The following USP45 variants were observed in gnomAD, a reference collection of about 807,000 sequenced individuals.
USP45 encodes the protein ubiquitin specific peptidase 45.
USP45 carries 89 observed loss-of-function variants against 95.8 expected under a neutral mutation model. The observed-to-expected ratio is 0.93, with a 90% CI of 0.78 to 1.11. The LOEUF (loss-of-function observed/expected upper bound fraction) is 1.11, where lower values mean the gene tolerates loss of function less well. Among genes scored for constraint, USP45 ranks in the 50% least tolerant of loss-of-function variants. USP45 has a pLI of 0.00. For missense variants in USP45, 898 were observed against 942.5 expected (o/e 0.95, Z 0.62); for synonymous variants, 281 against 316.2 (o/e 0.89, Z 1.18).
chr6:99,439,882 A>G, intron 15 of USP45, 27 bp from the exon 16 acceptor site: 3 of 1,548,544 alleles, frequency 1.9e-6, no homozygotes, highest in Non-Finnish European at 2.6e-6. Flanking sequence ...CATTTTTGAA[A>G]TGCAACAATT....
intron 13 of USP45, chr6:99,461,795 G>C (rs1429243011): frequency 1.0e-6 from 1 of 982,376 alleles, no homozygotes; most frequent in East Asian, 1.1e-4. Flanking sequence ...TACTGTAAGA[G>C]ATTAAAAAAT....
intron 13 of USP45, chr6:99,461,545 A>T: frequency 1.0e-6 from 1 of 985,378 alleles, no homozygotes; most frequent in Non-Finnish European, 1.2e-6. Flanking sequence ...AGCAAAAGAA[A>T]ATGCACTTTT....
At chr6:99,486,949 G>A (rs1173511446) in intron 7 of USP45, among the ~76,000 whole-genome samples, 1 of 152,096 alleles carries the variant, frequency 6.6e-6, no homozygotes, top group African/African-American at 2.4e-5. Flanking sequence ...GTTGAACTAG[G>A]TGGGTTTATT....
rs963367055 is a variant in USP45 at position 99,466,680 on chromosome 6, A to G, written c.1099T>C (p.Cys367Arg). 7 of 1,612,558 alleles carry G rather than the reference A, an allele frequency of 4.3e-6. No homozygotes were observed. In the African/African-American group the frequency reaches 8.0e-5, roughly 18 times the overall value. The stretch of plus-strand genomic sequence containing the variant: ...AATTCTAAAGTACCTACATTTGCAC[A>G]TTCTTCACACATGACCGTGCTAGTT... Reference protein sequence around the residue: ...ELTSTVMCEECANISTVKDPF... With the variant: ...ELTSTVMCEERANISTVKDPF... The change falls in exon 11 of 18, where the codon TGT becomes CGT. Residue 367 changes from cysteine (C) to arginine (R), a missense_variant. Transcript: ENST00000500704.
At chr6:99,515,951 T>A (rs903592450), upstream of USP45, among the ~76,000 whole-genome samples, 2 of 151,814 alleles carry the variant, frequency 1.3e-5, no homozygotes, top group African/African-American at 4.8e-5. Flanking sequence ...ATTTTTTGTA[T>A]TTTGTTTAGT....
chr6:99,502,594 A>G (rs1170385202), intron 5 of USP45, among the ~76,000 whole-genome samples: 2 of 152,208 alleles, frequency 1.3e-5, no homozygotes, highest in African/African-American at 4.8e-5. Context: ...CAAATAACAG[A>G]CACCATTTCA....
At chr6:99,488,131 G>C (rs1794396746) in intron 7 of USP45, 69 bp downstream of exon 7, 3 of 1,051,482 alleles carry the variant, frequency 2.9e-6, no homozygotes, top group Non-Finnish European at 4.3e-6. Flanking sequence ...CTGCGAATTA[G>C]GAAAAGAGAT....
At chr6:99,486,836 C>T (rs1424934105) in intron 7 of USP45, among the ~76,000 whole-genome samples, 4 of 152,032 alleles carry the variant, frequency 2.6e-5, no homozygotes, top group Non-Finnish European at 5.9e-5. Flanking sequence ...CACACTTACA[C>T]ACACACACAA....
rs11335830 is a variant in USP45, at chr6:99,487,633, C to CA, written c.714+566dup. 2.1e-3 allele frequency among the ~76,000 whole-genome samples: 226 copies of CA among 106,356 alleles called. 1 individual carries two copies. Among genetic ancestry groups the CA allele is most frequent in the Middle Eastern group, 4.9e-3 (1 of 204 alleles). The allele number at this position is 106,356 out of a possible 152,430, so 69.8% of individuals were successfully genotyped here. On this transcript the variant is annotated intron_variant, in intron 7 of 17. Transcript: ENST00000500704. ...TGAAACCCCGTCTCTACTAAAAATA[C>CA]AAAAAAAAAAAAAAAAAAAAAAAGT... is the stretch of plus-strand genomic sequence containing the variant.
In USP45 at chr6:99,446,272, A is replaced by G. The variant is rs1782537809; in HGVS notation, c.1500T>C (p.Asn500=). ...SEKEASHSES[N]VDADSEPSES... ...CTGAAGGCTCACTGTCAGCATCAAC[A>G]TTGCTTTCAGAATGGCTGGCTTCTT... Residue 500 remains asparagine (N), a synonymous_variant, in exon 14 of 18, where the codon AAT becomes AAC. Transcript: ENST00000500704. 2 of 1,614,164 alleles carry G rather than the reference A, an allele frequency of 1.2e-6. No individual in the cohort carries two copies. The highest frequency in any genetic ancestry group is 2.2e-5 in the South Asian group (2 of 91,084).
intron 8 of USP45, among the ~76,000 whole-genome samples, chr6:99,479,305 G>GCT (rs1296335740): frequency 3.3e-5 from 5 of 151,908 alleles, no homozygotes; most frequent in African/African-American, 1.2e-4. Flanking sequence ...AAACTCCTAG[G>GCT]CTCAAGTGAT....
At chr6:99,517,459 G>C (rs182190009), upstream of USP45, among the ~76,000 whole-genome samples, 4 of 151,336 alleles carry the variant, frequency 2.6e-5, no homozygotes, top group East Asian at 7.8e-4. Context: ...TTTTGAGACG[G>C]ATTCTCTCTC....
rs746538100 is a variant in USP45 at position 99,443,603 on chromosome 6, G to A, written c.2035C>T (p.Pro679Ser). 4 of 1,609,294 alleles carry A rather than the reference G, an allele frequency of 2.5e-6. No individual in the cohort carries two copies. The highest frequency in any genetic ancestry group is 1.1e-5 in the South Asian group (1 of 89,938). ...TTCAGGTGGAGAATTAGGACAGCTG[G>A]AACAGCAGAAATGAGCAATTGCTTC... Reference protein sequence around the residue: ...ARKQLLISAVPAVLILHLKRF... With the variant: ...ARKQLLISAVSAVLILHLKRF... The change falls in exon 15 of 18, where the codon CCA (proline) becomes TCA (serine). Residue 679 changes from proline (P) to serine (S), a missense_variant. Coordinates refer to ENST00000500704, the MANE Select transcript of USP45 (RefSeq NM_001346022.3).
chr6:99,514,165 C>T (rs1284969572), intron 1 of USP45, among the ~76,000 whole-genome samples: 3 of 152,142 alleles, frequency 2.0e-5, no homozygotes, highest in Admixed American at 6.5e-5. Context: ...TTACACAATG[C>T]AGTATGGATA....
rs1562391264 is a variant in USP45, at chr6:99,482,830, G to C, written c.768C>G (p.Phe256Leu). ...TCTCCTTCATGCTGTGAAGAAACAG[G>C]AACAAGGCTGAGGTCAGTGGTCCAG... is the stretch of plus-strand genomic sequence containing the variant. Reference protein sequence around the residue: ...SRPGPLTSALFLFLHSMKETE... With the variant: ...SRPGPLTSALLLFLHSMKETE... The change falls in exon 8 of 18, where the codon TTC becomes TTG. Residue 256 changes from phenylalanine (F) to leucine (L), a missense_variant. Coordinates refer to ENST00000500704, the MANE Select transcript of USP45 (RefSeq NM_001346022.3). 1.2e-6 allele frequency: 2 copies of C among 1,606,186 alleles called. No individual in the cohort carries two copies. The highest frequency in any genetic ancestry group is 1.7e-6 in the Non-Finnish European group (2 of 1,175,876).
intron 13 of USP45, among the ~76,000 whole-genome samples, chr6:99,453,173 G>GGA (rs1784284457): frequency 2.1e-5 from 3 of 140,704 alleles, no homozygotes; most frequent in Non-Finnish European, 4.6e-5. Flanking sequence ...ACTTAAAAAA[G>GGA]AAAAAAAAAA....
chr6:99,451,749 T>C (rs1279038387), intron 13 of USP45, among the ~76,000 whole-genome samples: 1 of 152,176 alleles, frequency 6.6e-6, no homozygotes, highest in East Asian at 1.9e-4. Flanking sequence ...AGAACAAAGC[T>C]GGAGGCATCA....
chr6:99,488,254 C>CTCATTCA lies in USP45; in HGVS notation c.653_659dup (p.Glu220AspfsTer3). ...TGAGTTTTGTACTACTTTCTTTGATCTCATTCATCAGATCAGTAAGAGTAT... is the reference window on the plus strand; with the variant it reads ...TGAGTTTTGTACTACTTTCTTTGATCTCATTCATCATTCATCAGATCAGTAAGAGTAT... On this transcript the variant is annotated stop_gained and frameshift_variant, in exon 7 of 18. Coordinates refer to ENST00000500704, the MANE Select transcript of USP45 (RefSeq NM_001346022.3). LOFTEE classifies it high-confidence loss of function. The CTCATTCA allele has an allele frequency of 6.2e-7, 1 of 1,612,416 alleles. No individual in the cohort carries two copies. Among genetic ancestry groups the CTCATTCA allele is most frequent in the Non-Finnish European group, 8.5e-7 (1 of 1,179,474 alleles).
At chr6:99,467,068 T>C (rs1219171284) in intron 10 of USP45, among the ~76,000 whole-genome samples, 1 of 152,090 alleles carries the variant, frequency 6.6e-6, no homozygotes, top group Non-Finnish European at 1.5e-5. Context: ...ACCTCATGTC[T>C]AACCAATAAG....
Sources: allele counts gnomAD v4.1 joint callset (sites outside exome capture counted in the v4.1 genomes callset), GRCh38; gene constraint gnomAD v4.1.1; transcripts MANE v1.5; gene names NCBI Gene and HGNC (gene_info 2026-07-23, HGNC 2026-07-21).